HUNK: variants seen among roughly 807,000 people sequenced by gnomAD.
HUNK encodes the protein hormonally up-regulated neu tumor-associated kinase.
Under a neutral mutation model 61.0 loss-of-function variants are expected in HUNK, and 21 were observed. The ratio of observed to expected loss-of-function variants is 0.34; its 90% CI spans 0.24 to 0.50. The LOEUF is 0.50. HUNK is among the 20% of genes least tolerant of loss of function. The pLI, the probability that HUNK is intolerant of heterozygous loss-of-function variation, is 0.98. For synonymous variants in HUNK, 371 were observed against 386.1 expected, an observed-to-expected ratio of 0.96 and a Z score of 0.46; for missense variants, 772 against 945.7, an observed-to-expected ratio of 0.82 and a Z score of 2.41.
intron 5 of HUNK, among the ~76,000 whole-genome samples, chr21:31,963,320 C>G (rs936708491): frequency 6.6e-6 from 1 of 152,118 alleles, no homozygotes; most frequent in African/African-American, 2.4e-5. Flanking sequence ...TGTTATTTCA[C>G]TCTTCTCTGA....
At chr21:31,888,544 C>G (rs1293707799) in intron 1 of HUNK, among the ~76,000 whole-genome samples, 1 of 152,148 alleles carries the variant, frequency 6.6e-6, no homozygotes, top group Non-Finnish European at 1.5e-5. Flanking sequence ...TGAGACCAGA[C>G]TGACCAACAT....
chr21:31,880,398 GT>G (rs1452153492), intron 1 of HUNK, among the ~76,000 whole-genome samples: 1 of 152,168 alleles, frequency 6.6e-6, no homozygotes, highest in Non-Finnish European at 1.5e-5. Context: ...CAAAACCAAG[GT>G]GTTGGCAGGG....
At chr21:31,955,203 T>A (rs1417926479) in intron 4 of HUNK, among the ~76,000 whole-genome samples, 1 of 151,708 alleles carries the variant, frequency 6.6e-6, no homozygotes, top group East Asian at 1.9e-4. Flanking sequence ...GATGCATCAC[T>A]GACACATTAA....
At chr21:31,959,028 T>G in intron 5 of HUNK, 58 bp downstream of exon 5, 1 of 1,457,586 alleles carries the variant, frequency 6.9e-7, no homozygotes, top group South Asian at 1.5e-5. Context: ...CCAGTTCGGG[T>G]CTACCTGTGA....
chr21:31,984,010 T>A (rs1280720199), intron 8 of HUNK, among the ~76,000 whole-genome samples: 1 of 152,122 alleles, frequency 6.6e-6, no homozygotes, highest in Non-Finnish European at 1.5e-5. Context: ...TTCACTCATA[T>A]GTGAGTGAAA....
At chr21:31,889,047 A>T (rs1158493091) in intron 1 of HUNK, among the ~76,000 whole-genome samples, 1 of 152,166 alleles carries the variant, frequency 6.6e-6, no homozygotes, top group Non-Finnish European at 1.5e-5. Flanking sequence ...TGGAGGGGAG[A>T]GAGGTTTTTG....
At chr21:31,885,052 A>G (rs1003800479) in intron 1 of HUNK, among the ~76,000 whole-genome samples, 3 of 152,158 alleles carry the variant, frequency 2.0e-5, no homozygotes, top group Non-Finnish European at 4.4e-5. Flanking sequence ...TGCTGGGATT[A>G]CAGGCACGAG....
intron 5 of HUNK, among the ~76,000 whole-genome samples, chr21:31,963,838 G>A (rs2052945451): frequency 6.6e-6 from 1 of 152,116 alleles, no homozygotes; most frequent in African/African-American, 2.4e-5. Context: ...TAATTCTTCG[G>A]CTCTTTTTAA....
intron 1 of HUNK, among the ~76,000 whole-genome samples, chr21:31,876,165 G>A (rs1243711389): frequency 6.6e-6 from 1 of 152,186 alleles, no homozygotes; most frequent in Non-Finnish European, 1.5e-5. Flanking sequence ...TTAATTGGAT[G>A]TAAAATTATT....
At chr21:31,965,435 T>C (rs1344825391) in intron 5 of HUNK, among the ~76,000 whole-genome samples, 2 of 151,784 alleles carry the variant, frequency 1.3e-5, no homozygotes, top group Non-Finnish European at 2.9e-5. Context: ...AACCTGCACA[T>C]GTACCCCCGA....
In HUNK at chr21:31,895,713, C is replaced by T. The variant is rs114259292; in HGVS notation, c.261+21778C>T. ...GAGTTGCTCAGTGTGGCTTCTGCATCTGAAAGGGCCAGTGAGCTGCTGTGT... is the reference window on the plus strand; with the variant it reads ...GAGTTGCTCAGTGTGGCTTCTGCATTTGAAAGGGCCAGTGAGCTGCTGTGT... On this transcript the variant is annotated intron_variant, in intron 1 of 10. Coordinates refer to ENST00000270112, the MANE Select transcript of HUNK (RefSeq NM_014586.2). 7.0e-3 allele frequency among the ~76,000 whole-genome samples: 1,072 copies of T among 152,288 alleles called. 12 individuals carry two copies. Among genetic ancestry groups the T allele is most frequent in the African/African-American group, 0.025 (1,023 of 41,544 alleles).
At chr21:31,886,160 G>A (rs571300551) in intron 1 of HUNK, among the ~76,000 whole-genome samples, 2 of 152,200 alleles carry the variant, frequency 1.3e-5, no homozygotes, top group Admixed American at 6.5e-5. Flanking sequence ...AGTGGCTCAC[G>A]CCTATAATCT....
At chr21:31,935,848 C>T (rs1377423807) in intron 2 of HUNK, among the ~76,000 whole-genome samples, 1 of 152,044 alleles carries the variant, frequency 6.6e-6, no homozygotes, top group African/African-American at 2.4e-5. Flanking sequence ...GATGGAGTCT[C>T]ACTCTGTCGC....
In HUNK at chr21:31,933,314, C is replaced by T. The variant is rs2052711002; in HGVS notation, c.555-6851C>T. 2.0e-5 allele frequency among the ~76,000 whole-genome samples: 3 copies of T among 152,280 alleles called. No homozygotes were observed. In the East Asian group the frequency reaches 5.8e-4, roughly 30 times the overall value. On this transcript the variant is annotated intron_variant, in intron 2 of 10. Transcript: ENST00000270112. ...CAAGAAAAAGCAACTTCCCATCTAT[C>T]CCAGGGCCATTCTCTTCTCCTTCAC...
At chr21:31,994,005 G>A (rs1204849300) in intron 9 of HUNK, among the ~76,000 whole-genome samples, 1 of 152,186 alleles carries the variant, frequency 6.6e-6, no homozygotes, top group Admixed American at 6.5e-5. Flanking sequence ...TTCAGGGCCG[G>A]GAAAATCCGC....
chr21:31,954,036 G>A (rs112489718), intron 4 of HUNK, among the ~76,000 whole-genome samples: 32 of 152,312 alleles, frequency 2.1e-4, no homozygotes, highest in South Asian at 1.2e-3. Flanking sequence ...GATTTTTGGC[G>A]TCTGTTGAAG....
At position 31,999,430 on chromosome 21, in the gene HUNK, A is replaced by C; in HGVS notation, c.*246A>C. On this transcript the variant is annotated 3_prime_UTR_variant, in exon 11 of 11. Coordinates refer to ENST00000270112, the MANE Select transcript of HUNK (RefSeq NM_014586.2). ...TATCATTCAGATCTTCCTTCCTCCCAAGTACTCACCAACCCCTTCCACTTC... is the reference window on the plus strand; with the variant it reads ...TATCATTCAGATCTTCCTTCCTCCCCAGTACTCACCAACCCCTTCCACTTC... The C allele has an allele frequency of 2.1e-6, 1 of 470,084 alleles. No homozygotes were observed. Among genetic ancestry groups the C allele is most frequent in the South Asian group, 4.1e-5 (1 of 24,370 alleles). The allele number at this position is 470,084 out of a possible 1,614,324, so 29.1% of individuals were successfully genotyped here.
At chr21:31,962,139 T>C (rs1172953698) in intron 5 of HUNK, among the ~76,000 whole-genome samples, 4 of 152,226 alleles carry the variant, frequency 2.6e-5, no homozygotes, top group Non-Finnish European at 4.4e-5. Context: ...TCCACCAATC[T>C]TCCAGTTGTA....
intron 1 of HUNK, among the ~76,000 whole-genome samples, chr21:31,913,640 C>T (rs553648511): frequency 6.6e-5 from 10 of 151,830 alleles, no homozygotes; most frequent in South Asian, 2.1e-4. Flanking sequence ...GCCAGAGGCA[C>T]GTCAGAGCTC....
Sources: allele counts gnomAD v4.1 joint callset (sites outside exome capture counted in the v4.1 genomes callset), GRCh38; gene constraint gnomAD v4.1.1; transcripts MANE v1.5; gene names NCBI Gene and HGNC (gene_info 2026-07-23, HGNC 2026-07-21).